FOXN3: variants seen among roughly 807,000 people sequenced by gnomAD.
FOXN3 encodes forkhead box protein N3.
Under a neutral mutation model 38.4 loss-of-function variants are expected in FOXN3, and 7 were observed. That is an observed-to-expected ratio of 0.18 (90% confidence interval 0.10 to 0.34). The LOEUF (loss-of-function observed/expected upper bound fraction) is 0.34, where lower values mean the gene tolerates loss of function less well. Ranked by LOEUF, FOXN3 falls within the 10% of genes least tolerant of loss-of-function variation. The pLI, the probability that FOXN3 is intolerant of heterozygous loss-of-function variation, is 1.00. For synonymous variants in FOXN3, 230 were observed against 242.2 expected (o/e 0.95, Z 0.47); for missense variants, 456 against 613.4 (o/e 0.74, Z 2.71).
intron 1 of FOXN3, among the ~76,000 whole-genome samples, chr14:89,529,018 A>C (rs974407072): frequency 3.9e-5 from 6 of 152,162 alleles, no homozygotes; most frequent in Non-Finnish European, 8.8e-5. Context: ...TATATCAATA[A>C]AGTTATTTTT....
chr14:89,592,109 A>C (rs12590048), intron 1 of FOXN3, among the ~76,000 whole-genome samples: 1 of 152,194 alleles, frequency 6.6e-6, no homozygotes, highest in South Asian at 2.1e-4. Flanking sequence ...AAACATATGA[A>C]GGAAAAAGAA....
chr14:89,188,258 T>A (rs1887859873), intron 4 of FOXN3, among the ~76,000 whole-genome samples: 1 of 152,222 alleles, frequency 6.6e-6, no homozygotes, highest in Non-Finnish European at 1.5e-5. Context: ...ATTTACAGTC[T>A]GAGTATTACA....
chr14:89,317,806 C>G (rs550313467), intron 3 of FOXN3, among the ~76,000 whole-genome samples: 17 of 151,828 alleles, frequency 1.1e-4, no homozygotes, highest in African/African-American at 4.1e-4. Flanking sequence ...GGCAGGCGAG[C>G]AGGCATTACT....
At chr14:89,370,398 C>T (rs1890283192) in intron 2 of FOXN3, among the ~76,000 whole-genome samples, 1 of 152,178 alleles carries the variant, frequency 6.6e-6, no homozygotes, top group Non-Finnish European at 1.5e-5. Context: ...TTGGGGTTGC[C>T]CCCATGACAA....
At chr14:89,249,810 G>T (rs1885402087) in intron 4 of FOXN3, among the ~76,000 whole-genome samples, 1 of 152,198 alleles carries the variant, frequency 6.6e-6, no homozygotes, top group African/African-American at 2.4e-5. Context: ...TTCAGCCCAT[G>T]GGCCAAATCC....
At chr14:89,342,708 A>G (rs951221364) in intron 3 of FOXN3, among the ~76,000 whole-genome samples, 1 of 152,132 alleles carries the variant, frequency 6.6e-6, no homozygotes, top group Non-Finnish European at 1.5e-5. Flanking sequence ...TTAATTTACC[A>G]CACTCTCCTA....
intron 1 of FOXN3, among the ~76,000 whole-genome samples, chr14:89,428,532 G>A (rs767287043): frequency 1.4e-4 from 21 of 152,220 alleles, no homozygotes; most frequent in Non-Finnish European, 2.2e-4. Context: ...ACTCAAAGAC[G>A]TGATTCTGAC....
intron 1 of FOXN3, among the ~76,000 whole-genome samples, chr14:89,508,253 G>A (rs1893990055): frequency 6.6e-6 from 1 of 152,220 alleles, no homozygotes; most frequent in African/African-American, 2.4e-5. Flanking sequence ...GAATCACCAG[G>A]CTTGTGGCTC....
At chr14:89,200,281 T>C (rs1888203114) in intron 4 of FOXN3, among the ~76,000 whole-genome samples, 1 of 152,206 alleles carries the variant, frequency 6.6e-6, no homozygotes, top group Non-Finnish European at 1.5e-5. Context: ...GGAATACATC[T>C]GTCCAAGTCA....
intron 3 of FOXN3, among the ~76,000 whole-genome samples, chr14:89,346,813 G>A (rs1639680617): frequency 1.3e-5 from 2 of 152,128 alleles, no homozygotes; most frequent in Non-Finnish European, 2.9e-5. Context: ...CTCTGAATGG[G>A]AATTGTGTCT....
chr14:89,549,523 T>G (rs1894958343), intron 1 of FOXN3, among the ~76,000 whole-genome samples: 1 of 151,858 alleles, frequency 6.6e-6, no homozygotes, highest in African/African-American at 2.4e-5. Context: ...TAGTGGCTTG[T>G]GTGAGCTCAC....
At chr14:89,559,975 C>T (rs1596317736) in intron 1 of FOXN3, among the ~76,000 whole-genome samples, 1 of 152,236 alleles carries the variant, frequency 6.6e-6, no homozygotes, top group South Asian at 2.1e-4. Flanking sequence ...CACATTACTA[C>T]AAAGAACTAC....
intron 4 of FOXN3, among the ~76,000 whole-genome samples, chr14:89,217,147 G>A (rs930363925): frequency 2.6e-5 from 4 of 151,902 alleles, no homozygotes; most frequent in Non-Finnish European, 4.4e-5. Flanking sequence ...TTTTTGGTTC[G>A]TTTTTGAGAC....
chr14:89,223,769 T>C (rs558488350), intron 4 of FOXN3, among the ~76,000 whole-genome samples: 1 of 152,296 alleles, frequency 6.6e-6, no homozygotes, highest in Non-Finnish European at 1.5e-5. Flanking sequence ...GGGAAGCAGG[T>C]CTTTCCATGC....
chr14:89,368,267 T>C (rs969030647), intron 2 of FOXN3, among the ~76,000 whole-genome samples: 27 of 145,518 alleles, frequency 1.9e-4, no homozygotes, highest in African/African-American at 6.7e-4. Flanking sequence ...GAGGCGGAGG[T>C]TGCAGTGAAC....
chr14:89,463,116 C>A (rs1271496218), intron 1 of FOXN3, among the ~76,000 whole-genome samples: 1 of 151,392 alleles, frequency 6.6e-6, no homozygotes, highest in Non-Finnish European at 1.5e-5. Flanking sequence ...GGTGAAACCC[C>A]GTCTCTACTA....
intron 2 of FOXN3, chr14:89,399,996 C>T (rs977425655): frequency 6.6e-6 from 1 of 152,174 alleles, no homozygotes; most frequent in Non-Finnish European, 1.5e-5. Context: ...GGTTAGGGGG[C>T]TTTGCTAAGT....
chr14:89,187,635 C>T (rs890726074), intron 4 of FOXN3, among the ~76,000 whole-genome samples: 2 of 152,138 alleles, frequency 1.3e-5, no homozygotes, highest in East Asian at 3.9e-4. Context: ...CCTCAAATCC[C>T]AAGGCAAATA....
chr14:89,289,168 T>G (rs1596157431), intron 3 of FOXN3, among the ~76,000 whole-genome samples: 1 of 117,398 alleles, frequency 8.5e-6, no homozygotes, highest in East Asian at 2.4e-4. Context: ...GGTGACAGAG[T>G]GAAATTCTGT....
Sources: gnomAD v4.1 joint callset for allele counts (sites outside exome capture counted in the v4.1 genomes callset) on GRCh38, gnomAD v4.1.1 for gene constraint, MANE v1.5 for transcripts, NCBI Gene and HGNC (gene_info 2026-07-23, HGNC 2026-07-21) for gene names.